The following DLGAP1 variants were observed in gnomAD, a reference collection of about 807,000 sequenced individuals.
DLGAP1 encodes the protein DLG associated protein 1.
DLGAP1 carries 11 observed loss-of-function variants against 90.8 expected under a neutral mutation model. That is an observed-to-expected ratio of 0.12 (90% CI 0.08 to 0.20). The LOEUF is 0.20. Ranked by LOEUF, DLGAP1 falls within the 10% of genes least tolerant of loss-of-function variation. DLGAP1 has a pLI of 1.00. For synonymous variants in DLGAP1, 558 were observed against 540.7 expected (o/e 1.03, Z -0.44); for missense variants, 1,050 against 1,333.8 (o/e 0.79, Z 3.31).
At chr18:4,210,115 C>G (rs944246200) in intron 1 of DLGAP1, among the ~76,000 whole-genome samples, 2 of 152,174 alleles carry the variant, frequency 1.3e-5, no homozygotes, top group African/African-American at 4.8e-5. Context: ...TCCATTTGTT[C>G]CCATGGAATG....
chr18:4,302,725 T>C (rs1182612154), intron 1 of DLGAP1, among the ~76,000 whole-genome samples: 1 of 152,170 alleles, frequency 6.6e-6, no homozygotes, highest in Non-Finnish European at 1.5e-5. Context: ...CCATATGAGT[T>C]TTAGAAACTT....
intron 1 of DLGAP1, among the ~76,000 whole-genome samples, chr18:4,274,977 A>G (rs1211143627): frequency 6.6e-6 from 1 of 152,210 alleles, no homozygotes; most frequent in Non-Finnish European, 1.5e-5. Flanking sequence ...TTAAGAAATA[A>G]TCTTTCAAAG....
intron 7 of DLGAP1, among the ~76,000 whole-genome samples, chr18:3,628,992 C>T (rs2058418028): frequency 6.6e-6 from 1 of 152,074 alleles, no homozygotes. Flanking sequence ...AGAAAATGTT[C>T]GGGTTGTTTG....
chr18:3,557,793 G>A (rs1938560338), intron 9 of DLGAP1, among the ~76,000 whole-genome samples: 1 of 152,156 alleles, frequency 6.6e-6, no homozygotes, highest in Admixed American at 6.5e-5. Flanking sequence ...CTGGCGTGGT[G>A]GCGGGTGCCT....
chr18:4,072,226 T>C (rs1250269976), intron 2 of DLGAP1, among the ~76,000 whole-genome samples: 1 of 152,132 alleles, frequency 6.6e-6, no homozygotes, highest in Non-Finnish European at 1.5e-5. Flanking sequence ...GGAGCCCAGA[T>C]AATTTAGGGG....
At chr18:4,359,424 A>C (rs1006810741) in intron 1 of DLGAP1, among the ~76,000 whole-genome samples, 1 of 152,154 alleles carries the variant, frequency 6.6e-6, no homozygotes, top group African/African-American at 2.4e-5. Flanking sequence ...GGCCTTGTAC[A>C]TTCCCTTCAT....
At chr18:3,675,404 A>G (rs1337255537) in intron 7 of DLGAP1, among the ~76,000 whole-genome samples, 4 of 152,162 alleles carry the variant, frequency 2.6e-5, no homozygotes, top group Non-Finnish European at 5.9e-5. Flanking sequence ...GCATTGTCTC[A>G]TTCCATCTCT....
rs1487480863 is a variant in DLGAP1, at chr18:3,897,099, T to A, written c.-72-16959A>T. The A allele has an allele frequency of 2.6e-5, 4 of 152,252 alleles. No individual in the cohort carries two copies. In the East Asian group the frequency reaches 7.7e-4, roughly 29 times the overall value. The allele number at this position is 152,252 out of a possible 1,614,324, so 9.4% of individuals were successfully genotyped here. ...GGATCTTCATTTCTGAGGAGTCCCA[T>A]GTTACATAAAACTTTGATTACCTTC... is the stretch of plus-strand genomic sequence containing the variant. On this transcript the variant is annotated intron_variant, in intron 3 of 12. Coordinates refer to ENST00000315677, the MANE Select transcript of DLGAP1 (RefSeq NM_004746.4).
At position 3,619,742 on chromosome 18, in the gene DLGAP1, CTTTTTTTT is replaced by C. The variant is rs10625913; in HGVS notation, c.1592-37502_1592-37495del. ...ATCCTGATGCTCTTTTAGTTTTTTC[CTTTTTTTT>C]TTTTTTTTTTGGTGGGAGATATGGG... On this transcript the variant is annotated intron_variant, in intron 7 of 12. Coordinates refer to ENST00000315677, the MANE Select transcript of DLGAP1 (RefSeq NM_004746.4). 1.2e-4 allele frequency among the ~76,000 whole-genome samples: 14 copies of C among 112,410 alleles called. No individual in the cohort carries two copies. The East Asian group carries it at 3.5e-3, about 28-fold the overall frequency. The allele number at this position is 112,410 out of a possible 152,430, so 73.7% of individuals were successfully genotyped here.
chr18:3,765,130 C>CT lies in DLGAP1; in HGVS notation c.1173-22619dup, dbSNP rs1212463684. ...CACACTTGCAAACTTTTTTTTTTTT[C>CT]TTTTTTTTTTTTTTTGAGACAGAGT... On this transcript the variant is annotated intron_variant, in intron 5 of 12. Coordinates refer to ENST00000315677, the MANE Select transcript of DLGAP1 (RefSeq NM_004746.4). 8.4e-3 allele frequency among the ~76,000 whole-genome samples: 954 copies of CT among 113,154 alleles called. 45 individuals are homozygous for CT. In the South Asian group the frequency reaches 0.11, roughly 13 times the overall value. 74.2% of individuals were successfully genotyped at this position (113,154 alleles called of 152,430 possible). A position where few individuals can be genotyped will look rare whatever the true frequency, so the allele number is the denominator to read the frequency against.
At chr18:3,963,939 C>T (rs1568322879) in intron 3 of DLGAP1, among the ~76,000 whole-genome samples, 1 of 152,190 alleles carries the variant, frequency 6.6e-6, no homozygotes, top group African/African-American at 2.4e-5. Context: ...ATTTTGGATG[C>T]ATTGGCTTAA....
intron 7 of DLGAP1, among the ~76,000 whole-genome samples, chr18:3,622,797 C>A (rs540103413): frequency 6.6e-6 from 1 of 151,582 alleles, no homozygotes; most frequent in East Asian, 1.9e-4. Context: ...TCATTGATTT[C>A]TTTTTTTTTC....
chr18:4,194,290 G>C (rs910967243), intron 1 of DLGAP1, among the ~76,000 whole-genome samples: 3 of 152,012 alleles, frequency 2.0e-5, no homozygotes, highest in African/African-American at 4.8e-5. Context: ...AATTTCTTTA[G>C]GATAATGTTG....
chr18:3,872,994 C>G (rs1011389132), intron 4 of DLGAP1, among the ~76,000 whole-genome samples: 1 of 152,188 alleles, frequency 6.6e-6, no homozygotes, highest in Non-Finnish European at 1.5e-5. Flanking sequence ...TAACCAAGCA[C>G]TTTGGTGTTG....
At chr18:3,566,390 T>A (rs942843153) in intron 9 of DLGAP1, among the ~76,000 whole-genome samples, 3 of 150,744 alleles carry the variant, frequency 2.0e-5, no homozygotes, top group African/African-American at 4.9e-5. Context: ...ACACACACAC[T>A]ATATATATAT....
chr18:4,231,721 T>C (rs2078302593), intron 1 of DLGAP1, among the ~76,000 whole-genome samples: 1 of 152,222 alleles, frequency 6.6e-6, no homozygotes, highest in Admixed American at 6.5e-5. Context: ...AAAAACTTTC[T>C]TCATTTAAAT....
intron 2 of DLGAP1, among the ~76,000 whole-genome samples, chr18:4,064,075 C>T (rs1223733635): frequency 6.6e-6 from 1 of 152,024 alleles, no homozygotes; most frequent in Admixed American, 6.6e-5. Context: ...CATCTGGCAT[C>T]ATCAGTCAAA....
intron 7 of DLGAP1, among the ~76,000 whole-genome samples, chr18:3,691,316 T>C (rs2060888632): frequency 6.6e-6 from 1 of 151,820 alleles, no homozygotes; most frequent in African/African-American, 2.4e-5. Context: ...TAATCCTAGC[T>C]ACTGGGGAGG....
chr18:3,725,806 G>C (rs1429536709), intron 7 of DLGAP1, among the ~76,000 whole-genome samples: 2 of 152,102 alleles, frequency 1.3e-5, no homozygotes, highest in African/African-American at 4.8e-5. Context: ...GATTTGCTGA[G>C]GTATCTCCAT....
Sources: gnomAD v4.1 joint callset for allele counts (sites outside exome capture counted in the v4.1 genomes callset) on GRCh38, gnomAD v4.1.1 for gene constraint, MANE v1.5 for transcripts, NCBI Gene and HGNC (gene_info 2026-07-23, HGNC 2026-07-21) for gene names.